Variants in AKT3 observed in about 807,000 individuals in gnomAD.
The protein encoded by AKT3 is RAC-gamma serine/threonine-protein kinase.
AKT3 carries 15 observed loss-of-function variants against 65.3 expected under a neutral mutation model. The observed-to-expected ratio is 0.23, with a 90% CI of 0.15 to 0.35. AKT3 has a LOEUF of 0.35. Ranked by LOEUF, AKT3 falls within the 10% of genes least tolerant of loss-of-function variation. AKT3 has a pLI of 1.00. For synonymous variants in AKT3, 206 were observed against 183.8 expected, an observed-to-expected ratio of 1.12 and a Z score of -0.98; for missense variants, 243 against 576.5, an observed-to-expected ratio of 0.42 and a Z score of 5.92.
chr1:243,530,314 C>A (rs1261026406), intron 12 of AKT3, among the ~76,000 whole-genome samples: 1 of 151,996 alleles, frequency 6.6e-6, no homozygotes, highest in Non-Finnish European at 1.5e-5. Context: ...TGAAATCATA[C>A]CAACCACACT....
chr1:243,527,870 A>AACACACACACACACAC (rs56956606), intron 12 of AKT3, among the ~76,000 whole-genome samples: 2 of 99,214 alleles, frequency 2.0e-5, no homozygotes, highest in African/African-American at 4.2e-5. Flanking sequence ...CATCTCTTAA[A>AACACACACACACACAC]ACACACACAC....
chr1:243,706,271 A>C (rs933220253), intron 2 of AKT3, among the ~76,000 whole-genome samples: 1 of 152,194 alleles, frequency 6.6e-6, no homozygotes, highest in African/African-American at 2.4e-5. Context: ...TCTATAACAC[A>C]ACCTCGTATG....
At chr1:243,574,743 T>C (rs915303797) in intron 8 of AKT3, among the ~76,000 whole-genome samples, 3 of 152,146 alleles carry the variant, frequency 2.0e-5, no homozygotes. Flanking sequence ...CAGGTTAAAA[T>C]AATTTCTGCC....
intron 4 of AKT3, among the ~76,000 whole-genome samples, chr1:243,655,177 T>C (rs549892319): frequency 2.0e-4 from 31 of 152,152 alleles, no homozygotes; most frequent in Non-Finnish European, 2.4e-4. Context: ...GACGTATTTT[T>C]GAGTTCGCTA....
At chr1:243,783,594 A>G (rs1691049787) in intron 2 of AKT3, among the ~76,000 whole-genome samples, 1 of 152,210 alleles carries the variant, frequency 6.6e-6, no homozygotes, top group Non-Finnish European at 1.5e-5. Flanking sequence ...TTGTAAATGA[A>G]AAGTTAACTT....
intron 3 of AKT3, among the ~76,000 whole-genome samples, chr1:243,693,242 T>TTTTA (rs747780262): frequency 3.3e-5 from 2 of 59,986 alleles, no homozygotes; most frequent in Admixed American, 2.4e-4. Context: ...AGCTACAATT[T>TTTTA]GATATATATA....
At chr1:243,836,812 G>A (rs964117018) in intron 2 of AKT3, among the ~76,000 whole-genome samples, 2 of 151,524 alleles carry the variant, frequency 1.3e-5, no homozygotes, top group Non-Finnish European at 2.9e-5. Flanking sequence ...TCAGGAGGCT[G>A]AGGCAGGAGA....
In AKT3 at chr1:243,519,492, G is replaced by T. The variant is rs546931485; in HGVS notation, c.1252-7066C>A. ...CAATATTGGACAGGTCAAGGGCAAA[G>T]GTCATGGCAACAGTTTTTTGGGTGC... On this transcript the variant is annotated intron_variant, in intron 12 of 13. Transcript: ENST00000673466. Among the ~76,000 whole-genome samples the T allele has an allele frequency of 5.9e-5, 9 of 152,274 alleles. No homozygotes were observed. The East Asian group carries it at 1.7e-3, about 29-fold the overall frequency.
At chr1:243,680,066 C>T (rs897689658) in intron 3 of AKT3, among the ~76,000 whole-genome samples, 4 of 152,126 alleles carry the variant, frequency 2.6e-5, no homozygotes, top group Non-Finnish European at 5.9e-5. Context: ...GAAGCAATAA[C>T]TGTTGCTGGT....
rs1217631378 is a variant in AKT3 at position 243,501,431 on chromosome 1, CGGGTCTGAATGTCCCCA to C, written c.*3801_*3817del. ...CAAACCGTGTGTTGTATAGATGATT[CGGGTCTGAATGTCCCCA>C]GGGTCTGAGACCTCCTTCATCCCTG... is the stretch of plus-strand genomic sequence containing the variant. On this transcript the variant is annotated 3_prime_UTR_variant, in exon 14 of 14. Transcript: ENST00000673466. The C allele has an allele frequency of 1.7e-5, 4 of 233,072 alleles. No homozygotes were observed. Among genetic ancestry groups the C allele is most frequent in the Non-Finnish European group, 3.4e-5 (4 of 118,006 alleles). The allele number at this position is 233,072 out of a possible 1,614,324, so 14.4% of individuals were successfully genotyped here.
At chr1:243,614,030 C>G (rs1678098252) in intron 7 of AKT3, among the ~76,000 whole-genome samples, 1 of 152,130 alleles carries the variant, frequency 6.6e-6, no homozygotes, top group Admixed American at 6.5e-5. Flanking sequence ...TGATTTGAAG[C>G]TGCATTAGTA....
At chr1:243,594,733 C>A (rs950352640) in intron 8 of AKT3, among the ~76,000 whole-genome samples, 1 of 152,032 alleles carries the variant, frequency 6.6e-6, no homozygotes, top group Non-Finnish European at 1.5e-5. Context: ...ACCACCAGTC[C>A]AGGCTAATTT....
intron 3 of AKT3, among the ~76,000 whole-genome samples, chr1:243,695,045 T>A (rs1684974111): frequency 6.6e-6 from 1 of 152,022 alleles, no homozygotes; most frequent in Non-Finnish European, 1.5e-5. Flanking sequence ...ATCATTGTCA[T>A]CTTTCAGTTT....
upstream of AKT3, chr1:243,850,995 C>T (rs1221370083): frequency 3.9e-5 from 6 of 152,184 alleles, no homozygotes; most frequent in Non-Finnish European, 7.3e-5. Context: ...CCGGGCGTCT[C>T]CTCCAGTCCG....
chr1:243,604,933 A>G (rs1343892866), intron 8 of AKT3, among the ~76,000 whole-genome samples: 3 of 152,200 alleles, frequency 2.0e-5, no homozygotes, highest in Admixed American at 1.3e-4. Flanking sequence ...ATTCCTTAGA[A>G]CGGTATTACA....
At chr1:243,575,144 G>GCA (rs1416954242) in intron 8 of AKT3, among the ~76,000 whole-genome samples, 3 of 152,070 alleles carry the variant, frequency 2.0e-5, no homozygotes, top group Non-Finnish European at 4.4e-5. Flanking sequence ...TTTACAGTCT[G>GCA]CACTGCTTCT....
intron 8 of AKT3, among the ~76,000 whole-genome samples, chr1:243,589,029 TG>T (rs1676008676): frequency 1.3e-5 from 2 of 152,058 alleles, no homozygotes; most frequent in African/African-American, 4.8e-5. Flanking sequence ...AAAACTCGGC[TG>T]GGCACAGTGG....
chr1:243,807,645 C>T (rs1558830441), intron 2 of AKT3, among the ~76,000 whole-genome samples: 1 of 152,206 alleles, frequency 6.6e-6, no homozygotes, highest in Non-Finnish European at 1.5e-5. Context: ...GAGACCTCTG[C>T]AGACTTAAAT....
At chr1:243,822,391 C>T (rs1693907086) in intron 2 of AKT3, among the ~76,000 whole-genome samples, 1 of 151,072 alleles carries the variant, frequency 6.6e-6, no homozygotes, top group South Asian at 2.1e-4. Flanking sequence ...AGCAAACAAA[C>T]CACAAAGCTA....
Sources: gnomAD v4.1 joint callset for allele counts (sites outside exome capture counted in the v4.1 genomes callset) on GRCh38, gnomAD v4.1.1 for gene constraint, MANE v1.5 for transcripts, NCBI Gene and HGNC (gene_info 2026-07-23, HGNC 2026-07-21) for gene names.